HK2: variants seen among roughly 807,000 people sequenced by gnomAD.
The protein encoded by HK2 is hexokinase-2.
HK2 carries 42 observed loss-of-function variants against 92.9 expected under a neutral mutation model. The ratio of observed to expected loss-of-function variants is 0.45; its 90% CI spans 0.35 to 0.58. The LOEUF is 0.58. Ranked by LOEUF, HK2 falls within the 20% of genes least tolerant of loss-of-function variation. The pLI is 0.00. For missense variants in HK2, 978 were observed against 1,245.1 expected (o/e 0.79, Z 3.23); for synonymous variants, 422 against 468.0 (o/e 0.90, Z 1.27).
At position 74,853,197 on chromosome 2, in the gene HK2, A is replaced by G. The variant is rs1440442789; in HGVS notation, c.64-1096A>G. On this transcript the variant is annotated intron_variant, in intron 1 of 17. Transcript: ENST00000290573. Reference sequence around the variant, plus strand: ...GAACTGAACCAGGGAGAGAATCTACACAAAGAGTCCAGACCTTACCATAAG... The same window carrying G: ...GAACTGAACCAGGGAGAGAATCTACGCAAAGAGTCCAGACCTTACCATAAG... 1.6e-4 allele frequency among the ~76,000 whole-genome samples: 24 copies of G among 152,102 alleles called. 1 individual carries two copies. Among genetic ancestry groups the G allele is most frequent in the Admixed American group, 1.6e-3 (24 of 15,256 alleles).
At chr2:74,889,156 C>G (rs955503482) in intron 16 of HK2, 89 bp from the exon 17 acceptor site, 1 of 1,081,880 alleles carries the variant, frequency 9.2e-7, no homozygotes, top group Admixed American at 2.0e-5. Flanking sequence ...CCCACAGAGC[C>G]TCCCCTGTAA....
At chr2:74,866,622 A>G (rs536305319) in intron 2 of HK2, among the ~76,000 whole-genome samples, 1 of 152,196 alleles carries the variant, frequency 6.6e-6, no homozygotes, top group East Asian at 1.9e-4. Context: ...GAGGGTAGGA[A>G]CTGCACCTTC....
intron 1 of HK2, among the ~76,000 whole-genome samples, chr2:74,846,134 A>G (rs1351291339): frequency 6.6e-6 from 1 of 152,256 alleles, no homozygotes; most frequent in Non-Finnish European, 1.5e-5. Flanking sequence ...AATAATGCAA[A>G]AATATGAAAT....
At position 74,891,967 on chromosome 2, in the gene HK2, A is replaced by G. The variant is rs1414860261; in HGVS notation, c.*1026A>G. 1 of 152,644 alleles carries G rather than the reference A, an allele frequency of 6.6e-6. No individual in the cohort carries two copies. 9.5% of individuals were successfully genotyped at this position (152,644 alleles called of 1,614,324 possible). On this transcript the variant is annotated 3_prime_UTR_variant, in exon 18 of 18. Transcript: ENST00000290573. Reference sequence around the variant, plus strand: ...AGGGAAGCCTCTTCAGGGTGAGTGAATGGCAAAGCGGTTGCTTCTGGCTCC... The same window carrying G: ...AGGGAAGCCTCTTCAGGGTGAGTGAGTGGCAAAGCGGTTGCTTCTGGCTCC...
chr2:74,868,535 A>G (rs906853632), intron 3 of HK2, among the ~76,000 whole-genome samples: 18 of 152,320 alleles, frequency 1.2e-4, no homozygotes, highest in Non-Finnish European at 2.4e-4. Flanking sequence ...AGTATTTGGC[A>G]TAGTGCTGGT....
chr2:74,885,676 A>G, intron 13 of HK2, 87 bp downstream of exon 13: 1 of 901,528 alleles, frequency 1.1e-6, no homozygotes, highest in Non-Finnish European at 1.9e-6. Flanking sequence ...GGCAACAGTA[A>G]GTGTGGCTGC....
intron 8 of HK2, among the ~76,000 whole-genome samples, chr2:74,878,004 T>C (rs1248154538): frequency 6.6e-6 from 1 of 152,182 alleles, no homozygotes; most frequent in Admixed American, 6.5e-5. Flanking sequence ...GCCAATGACT[T>C]TGTTTTAAGG....
intron 1 of HK2, among the ~76,000 whole-genome samples, chr2:74,843,375 G>A (rs540894892): frequency 1.1e-4 from 16 of 152,256 alleles, no homozygotes; most frequent in South Asian, 6.2e-4. Context: ...TTGAACAGCC[G>A]TTGCCTTATC....
chr2:74,887,963 T>C lies in HK2; in HGVS notation c.2280T>C (p.Asp760=), dbSNP rs1377132185. 2 of 1,613,984 alleles carry C rather than the reference T, an allele frequency of 1.2e-6. No homozygotes were observed. The highest frequency in any genetic ancestry group is 1.7e-6 in the Non-Finnish European group (2 of 1,179,992). ...AGATTGTCCGTAACATTCTCATCGA[T>C]TTCACCAAGCGTGGACTACTCTTCC... The part of the protein sequence containing the change: ...LGEIVRNILI[D]FTKRGLLFRG... Residue 760 remains aspartate, a synonymous_variant, in exon 16 of 18, where the codon GAT becomes GAC. Coordinates refer to ENST00000290573, the MANE Select transcript of HK2 (RefSeq NM_000189.5).
At chr2:74,854,484 G>A (rs1558791986) in intron 2 of HK2, 29 bp downstream of exon 2, 1 of 1,613,526 alleles carries the variant, frequency 6.2e-7, no homozygotes. Flanking sequence ...GGCTCTAGCT[G>A]CTGCGTTACT....
chr2:74,877,312 A>T lies in HK2; in HGVS notation c.1022A>T (p.Asp341Val), dbSNP rs1689258587. Residue 341 changes from aspartate (D) to valine (V), a missense_variant, in exon 8 of 18, where the codon GAC (aspartate) becomes GTC (valine). Asp to Val is a radical substitution (Grantham distance 152, BLOSUM62 -3). Transcript: ENST00000290573. ...CGCTTTGAGACCAAAGACATCTCAG[A>T]CATTGAAGGGTGAGCTTCTGGCCAG... Reference protein sequence around the residue: ...TGRFETKDISDIEGEKDGIRK... With the variant: ...TGRFETKDISVIEGEKDGIRK... 10 of 1,614,148 alleles carry T rather than the reference A, an allele frequency of 6.2e-6. No individual in the cohort carries two copies. The highest frequency in any genetic ancestry group is 8.5e-6 in the Non-Finnish European group (10 of 1,180,024).
At position 74,834,648 on chromosome 2, in the gene HK2, G is replaced by A. The variant is rs1308796985; in HGVS notation, c.63+5G>A. 8.1e-6 allele frequency: 13 copies of A among 1,613,864 alleles called. No homozygotes were observed. The highest frequency in any genetic ancestry group is 1.1e-5 in the Non-Finnish European group (13 of 1,179,854). ...AACCATGACCAAGTGCAGAAGGTAAGTCAGCGCGGGCGGGGCGGCAGGCTG... is the reference window on the plus strand; with the variant it reads ...AACCATGACCAAGTGCAGAAGGTAAATCAGCGCGGGCGGGGCGGCAGGCTG... On this transcript the variant is annotated splice_donor_5th_base_variant and intron_variant, in intron 1 of 17. Coordinates refer to ENST00000290573, the MANE Select transcript of HK2 (RefSeq NM_000189.5). This position sits in a 1 kb window ranked among gnomAD's most constrained non-coding sequence, Gnocchi z 4.2.
rs1300436560 is a variant in HK2, at chr2:74,890,894, C to G, written c.2707C>G (p.Leu903Val). ...SEDGSGKGAA[L>V]ITAVACRIRE... ...GGATGGCAGCGGGAAGGGGGCGGCGCTCATCACTGCTGTGGCCTGCCGCAT... is the reference window on the plus strand; with the variant it reads ...GGATGGCAGCGGGAAGGGGGCGGCGGTCATCACTGCTGTGGCCTGCCGCAT... The change falls in exon 18 of 18, where the codon CTC becomes GTC. Residue 903 changes from leucine (L) to valine (V), a missense_variant. This residue lies in a region of HK2 where 742 missense variants were observed against 922.5 expected (regional missense o/e 0.80). Coordinates refer to ENST00000290573, the MANE Select transcript of HK2 (RefSeq NM_000189.5). 1.1e-5 allele frequency: 17 copies of G among 1,614,246 alleles called. No homozygotes were observed. Among genetic ancestry groups the G allele is most frequent in the Non-Finnish European group, 1.4e-5 (16 of 1,180,050 alleles).
chr2:74,891,072 G>A lies in HK2; in HGVS notation c.*131G>A, dbSNP rs1689667017. ...GGCAGAGAGGACCCCACTGGACTGG[G>A]TTTTGTCTCTGCATCTCATTGTAGA... is the stretch of plus-strand genomic sequence containing the variant. On this transcript the variant is annotated 3_prime_UTR_variant, in exon 18 of 18. Transcript: ENST00000290573. 1 of 1,065,552 alleles carries A rather than the reference G, an allele frequency of 9.4e-7. No homozygotes were observed. Among genetic ancestry groups the A allele is most frequent in the Non-Finnish European group, 1.4e-6 (1 of 723,792 alleles). The allele number at this position is 1,065,552 out of a possible 1,614,324, so 66.0% of individuals were successfully genotyped here.
chr2:74,889,321 A>C lies in HK2; in HGVS notation c.2452A>C (p.Ile818Leu). ...GLESTCDDSI[I>L]VKEVCTVVAR... is the part of the protein sequence containing the mutation. ...TGAGAGCACCTGTGACGACAGCATCATTGTTAAGGAGGTGTGCACTGTGGT... is the reference window on the plus strand; with the variant it reads ...TGAGAGCACCTGTGACGACAGCATCCTTGTTAAGGAGGTGTGCACTGTGGT... Residue 818 changes from isoleucine to leucine, a missense_variant, in exon 17 of 18, where the codon ATT becomes CTT. Physicochemically the swap from Ile to Leu is conservative, Grantham distance 5. This residue lies in a region of HK2 where 742 missense variants were observed against 922.5 expected (regional missense o/e 0.80). Coordinates refer to ENST00000290573, the MANE Select transcript of HK2 (RefSeq NM_000189.5). 6.2e-7 allele frequency: 1 copy of C among 1,614,194 alleles called. No homozygotes were observed. The highest frequency in any genetic ancestry group is 8.5e-7 in the Non-Finnish European group (1 of 1,180,032).
intron 3 of HK2, among the ~76,000 whole-genome samples, chr2:74,869,508 A>G (rs1184956116): frequency 6.6e-6 from 1 of 152,220 alleles, no homozygotes; most frequent in African/African-American, 2.4e-5. Context: ...AAGAATTGTG[A>G]ACCTGGGCAA....
At chr2:74,847,522 A>G (rs919759349) in intron 1 of HK2, among the ~76,000 whole-genome samples, 1 of 152,106 alleles carries the variant, frequency 6.6e-6, no homozygotes, top group Non-Finnish European at 1.5e-5. Context: ...TACAGAAAAA[A>G]TAAAATTAAA....
intron 1 of HK2, among the ~76,000 whole-genome samples, chr2:74,837,665 C>T (rs1288157659): frequency 9.4e-5 from 14 of 148,496 alleles, no homozygotes; most frequent in Non-Finnish European, 1.9e-4. Context: ...GGTCCTTTTG[C>T]CCTTGTCTTT....
chr2:74,888,010 T>C lies in HK2; in HGVS notation c.2327T>C (p.Leu776Pro). The C allele has an allele frequency of 6.2e-7, 1 of 1,614,182 alleles. No individual in the cohort carries two copies. The highest frequency in any genetic ancestry group is 8.5e-7 in the Non-Finnish European group (1 of 1,180,018). The change falls in exon 16 of 18, where the codon CTC becomes CCC. Residue 776 changes from leucine (L) to proline (P), a missense_variant. This residue lies in a region of HK2 where 742 missense variants were observed against 922.5 expected (regional missense o/e 0.80). Coordinates refer to ENST00000290573, the MANE Select transcript of HK2 (RefSeq NM_000189.5). ...LLFRGRISER[L>P]KTRGIFETKF... The stretch of plus-strand genomic sequence containing the variant: ...TTCCGAGGCCGCATCTCAGAGCGGC[T>C]CAAGACAAGGGGCATCTTTGAAACC...
Sources: allele counts gnomAD v4.1 joint callset (sites outside exome capture counted in the v4.1 genomes callset), GRCh38; gene constraint gnomAD v4.1.1; regional missense constraint gnomAD v4.1.1; non-coding constraint Gnocchi (gnomAD v3.1); transcripts MANE v1.5; gene names NCBI Gene and HGNC (gene_info 2026-07-23, HGNC 2026-07-21).